Variants in FZR1 observed in about 807,000 individuals in gnomAD.
FZR1 encodes fizzy-related protein homolog.
A neutral mutation model predicts 63.6 loss-of-function variants in FZR1; 11 were observed. The observed-to-expected ratio is 0.17, with a 90% CI of 0.11 to 0.29. FZR1 has a LOEUF of 0.29. Ranked by LOEUF, FZR1 falls within the 10% of genes least tolerant of loss-of-function variation. The probability of loss-of-function intolerance (pLI) is 1.00; values close to 1 mark genes in which losing one functional copy is unlikely to be tolerated. For synonymous variants in FZR1, 328 were observed against 297.9 expected, an observed-to-expected ratio of 1.10 and a Z score of -1.04; for missense variants, 440 against 687.5, an observed-to-expected ratio of 0.64 and a Z score of 4.03.
At chr19:3,530,934 G>C in intron 8 of FZR1, 77 bp downstream of exon 8, 21 of 1,166,712 alleles carry the variant, frequency 1.8e-5, no homozygotes, top group Non-Finnish European at 2.3e-5. Context: ...TGAAGACCCA[G>C]AGGGTCTAGT....
rs868793909 is a variant in FZR1 at position 3,533,727 on chromosome 19, C to T, written c.1347+329C>T. ...CTGACCACTCAGATGACCCTGTGAA[C>T]GTCCTACACAGTAACTGTATGCACG... On this transcript the variant is annotated intron_variant, in intron 12 of 13. Transcript: ENST00000441788. This position sits in a 1 kb window ranked among gnomAD's most constrained non-coding sequence, Gnocchi z 4.9. 1.0e-5 allele frequency: 3 copies of T among 297,316 alleles called. No individual in the cohort carries two copies. Among genetic ancestry groups the T allele is most frequent in the African/African-American group, 2.2e-5 (1 of 45,868 alleles). 18.4% of individuals were successfully genotyped at this position (297,316 alleles called of 1,614,324 possible).
At chr19:3,524,831 G>A (rs901314948) in intron 2 of FZR1, among the ~76,000 whole-genome samples, 9 of 152,112 alleles carry the variant, frequency 5.9e-5, no homozygotes, top group Non-Finnish European at 1.2e-4. Flanking sequence ...CTCTGTGTCC[G>A]TGTTTTCCTC....
At chr19:3,510,406 A>T (rs76709008) in intron 1 of FZR1, among the ~76,000 whole-genome samples, 12,308 of 152,288 alleles carry the variant, frequency 0.081, 1,660 homozygotes, top group African/African-American at 0.28. Flanking sequence ...AAGCTCTGGG[A>T]TTACTGGCGG....
rs1179981991 is a variant in FZR1 at position 3,536,525 on chromosome 19, C to G, written c.*1689C>G. 1 of 152,416 alleles carries G rather than the reference C, an allele frequency of 6.6e-6. No individual in the cohort carries two copies. The highest frequency in any genetic ancestry group is 6.5e-5 in the Admixed American group (1 of 15,312). The allele number at this position is 152,416 out of a possible 1,614,324, so 9.4% of individuals were successfully genotyped here. On this transcript the variant is annotated 3_prime_UTR_variant, in exon 14 of 14. Coordinates refer to ENST00000441788, the MANE Select transcript of FZR1 (RefSeq NM_016263.4). ...GCCCCTGCCCGCAGTTGCCAAAGAG[C>G]CGCCTTGTCGCTGTGGGCGTCAGGG...
At chr19:3,509,516 A>C (rs1248862103) in intron 1 of FZR1, among the ~76,000 whole-genome samples, 1 of 152,194 alleles carries the variant, frequency 6.6e-6, no homozygotes, top group African/African-American at 2.4e-5. Context: ...TCACTGCTTT[A>C]GAGCGTGCAG....
At position 3,525,880 on chromosome 19, in the gene FZR1, C is replaced by T. The variant is rs150420576; in HGVS notation, c.82C>T (p.Arg28Trp). ...TGATGCCCTTCAGGTCACAGAGATG[C>T]GGCGGACCCTGACGCCTGCCAGCTC... ...ENTMPRVTEMRRTLTPASSPV... is the reference protein window; with the variant it reads ...ENTMPRVTEMWRTLTPASSPV... Residue 28 changes from arginine to tryptophan, a missense_variant, in exon 3 of 14, where the codon CGG (arginine) becomes TGG (tryptophan). Transcript: ENST00000441788. The surrounding 1 kb of genome is among the most constrained non-coding windows in gnomAD (Gnocchi z 4.2). 3.7e-6 allele frequency: 6 copies of T among 1,611,384 alleles called. No individual in the cohort carries two copies. Among genetic ancestry groups the T allele is most frequent in the African/African-American group, 2.7e-5 (2 of 74,912 alleles).
chr19:3,523,112 T>G, intron 2 of FZR1, 54 bp downstream of exon 2: 1 of 1,100,412 alleles, frequency 9.1e-7, no homozygotes, highest in Non-Finnish European at 1.4e-6. Context: ...CAGCTGCCTC[T>G]GCCCTGGCCA....
intron 7 of FZR1, among the ~76,000 whole-genome samples, chr19:3,530,460 A>G (rs1409898828): frequency 8.2e-6 from 1 of 122,630 alleles, no homozygotes; most frequent in Non-Finnish European, 1.7e-5. Flanking sequence ...GGGAGAGCGC[A>G]TGGATGAGCG....
At position 3,538,036 on chromosome 19, in the gene FZR1, G is replaced by GA. The variant is rs2122053907; in HGVS notation, c.*3201dup. 1.3e-5 allele frequency: 2 copies of GA among 154,542 alleles called. No individual in the cohort carries two copies. The highest frequency in any genetic ancestry group is 4.0e-4 in the South Asian group (2 of 5,000). The allele number at this position is 154,542 out of a possible 1,614,324, so 9.6% of individuals were successfully genotyped here. A position where few individuals can be genotyped will look rare whatever the true frequency, so the allele number is the denominator to read the frequency against. ...GTATGCGGGAGGAACAGAGTGAGGA[G>GA]AGGAGGGCAGGGCGTGCAGGGCCTT... On this transcript the variant is annotated 3_prime_UTR_variant, in exon 14 of 14. Coordinates refer to ENST00000441788, the MANE Select transcript of FZR1 (RefSeq NM_016263.4).
At chr19:3,518,045 C>T (rs1238894249) in intron 1 of FZR1, among the ~76,000 whole-genome samples, 7 of 139,826 alleles carry the variant, frequency 5.0e-5, no homozygotes, top group Non-Finnish European at 6.1e-5. Context: ...GACAGAGTCT[C>T]ACTGTGTCAC....
intron 1 of FZR1, among the ~76,000 whole-genome samples, chr19:3,521,760 G>A (rs566721425): frequency 6.6e-5 from 10 of 152,152 alleles, no homozygotes; most frequent in East Asian, 3.9e-4. Flanking sequence ...TCGGCCTCCC[G>A]AACTGTTGGG....
chr19:3,530,037 G>T (rs1279169024), intron 7 of FZR1, among the ~76,000 whole-genome samples: 2 of 128,968 alleles, frequency 1.6e-5, no homozygotes, highest in African/African-American at 6.2e-5. Context: ...AGAGTGGATG[G>T]GTGAGCGGAT....
chr19:3,507,484 C>T (rs561840022), intron 1 of FZR1, among the ~76,000 whole-genome samples: 2 of 152,074 alleles, frequency 1.3e-5, no homozygotes, highest in South Asian at 4.2e-4. Flanking sequence ...CTGTTTTCTC[C>T]ACCCCAAACT....
chr19:3,517,532 CA>C (rs2083067483), intron 1 of FZR1, among the ~76,000 whole-genome samples: 1 of 151,668 alleles, frequency 6.6e-6, no homozygotes, highest in Admixed American at 6.6e-5. Flanking sequence ...ACTAAAAATA[CA>C]AAAAAATAGC....
chr19:3,528,674 AGTGG>A (rs2083189134), intron 7 of FZR1, among the ~76,000 whole-genome samples: 1 of 148,900 alleles, frequency 6.7e-6, no homozygotes, highest in Non-Finnish European at 1.5e-5. Context: ...TGGATGAGAG[AGTGG>A]ATGGGTGAGC....
intron 1 of FZR1, among the ~76,000 whole-genome samples, chr19:3,522,466 C>G (rs968954900): frequency 7.2e-5 from 11 of 152,212 alleles, no homozygotes; most frequent in Non-Finnish European, 1.6e-4. Context: ...GTCCCTGGAG[C>G]TGTGACTTGG....
In FZR1 at chr19:3,534,503, G is replaced by A. The variant is rs543420977; in HGVS notation, c.1430G>A (p.Arg477His). 8 of 1,604,806 alleles carry A rather than the reference G, an allele frequency of 5.0e-6. No individual in the cohort carries two copies. Among genetic ancestry groups the A allele is most frequent in the African/African-American group, 2.7e-5 (2 of 74,896 alleles). The change falls in exon 13 of 14, where the codon CGT becomes CAT. Residue 477 changes from arginine (R) to histidine (H), a missense_variant. Physicochemically the swap from Arg to His is conservative, Grantham distance 29 (BLOSUM62 0). This residue lies in a region of FZR1 where 28 missense variants were observed against 26.3 expected (regional missense o/e 1.06). Transcript: ENST00000441788. Reference protein sequence around the residue: ...LRFWNVFSKTRSTKESVSVLN... With the variant: ...LRFWNVFSKTHSTKESVSVLN... ...TTCTGGAACGTCTTTAGCAAAACCC[G>A]TTCGACAAAGGTAAAGTGGGTCGGT...
At chr19:3,534,343 CCT>C (rs930878023) in intron 12 of FZR1, 76 bp from the exon 13 acceptor site, 6 of 779,834 alleles carry the variant, frequency 7.7e-6, no homozygotes, top group Non-Finnish European at 1.3e-5. Context: ...ACCTTGCTCC[CCT>C]CTCCTTCAGT....
chr19:3,521,208 T>C (rs2083098627), intron 1 of FZR1: 1 of 152,270 alleles, frequency 6.6e-6, no homozygotes, highest in Non-Finnish European at 1.5e-5. Flanking sequence ...CTCCTGGGTG[T>C]GTATCTAGGA....
Sources: gnomAD v4.1 joint callset for allele counts (sites outside exome capture counted in the v4.1 genomes callset) on GRCh38, gnomAD v4.1.1 for gene constraint, gnomAD v4.1.1 regional missense constraint, Gnocchi (gnomAD v3.1) non-coding constraint, MANE v1.5 for transcripts, NCBI Gene and HGNC (gene_info 2026-07-23, HGNC 2026-07-21) for gene names.